The following ATP9A variants were observed in gnomAD, a reference collection of about 807,000 sequenced individuals.
The protein encoded by ATP9A is probable phospholipid-transporting ATPase IIA.
A neutral mutation model predicts 144.1 loss-of-function variants in ATP9A; 52 were observed. The observed-to-expected ratio is 0.36, with a 90% CI of 0.29 to 0.45. The LOEUF is 0.45. Among genes scored for constraint, ATP9A ranks in the 20% least tolerant of loss-of-function variants. ATP9A has a pLI of 1.00. For missense variants in ATP9A, 947 were observed against 1,392.7 expected, an observed-to-expected ratio of 0.68 and a Z score of 5.09; for synonymous variants, 582 against 557.4, an observed-to-expected ratio of 1.04 and a Z score of -0.62.
At chr20:51,703,371 G>A (rs546814327) in intron 4 of ATP9A, among the ~76,000 whole-genome samples, 2 of 152,150 alleles carry the variant, frequency 1.3e-5, no homozygotes, top group Non-Finnish European at 1.5e-5. Context: ...ATTTTTAAAC[G>A]CATTTGCAGA....
At chr20:51,669,940 G>A in intron 13 of ATP9A, 57 bp downstream of exon 13, 1 of 1,074,566 alleles carries the variant, frequency 9.3e-7, no homozygotes, top group Non-Finnish European at 1.4e-6. Context: ...TCTCAATATA[G>A]CTGTTAAAAA....
intron 24 of ATP9A, among the ~76,000 whole-genome samples, chr20:51,608,935 G>GTGTGTGTGTC (rs1226632864): frequency 6.6e-6 from 1 of 151,620 alleles, no homozygotes; most frequent in Non-Finnish European, 1.5e-5. Context: ...GTGTGTGTGT[G>GTGTGTGTGTC]TGTGTGTGTG....
intron 5 of ATP9A, 100 bp from the exon 6 acceptor site, chr20:51,696,244 T>C: frequency 9.8e-7 from 1 of 1,017,550 alleles, no homozygotes; most frequent in Non-Finnish European, 1.5e-6. Context: ...CTCGGTGGGT[T>C]GGGGCAGGGG....
At position 51,670,118 on chromosome 20, in the gene ATP9A, C is replaced by T; in HGVS notation, c.1181-9G>A. 14 of 1,603,456 alleles carry T rather than the reference C, an allele frequency of 8.7e-6. No homozygotes were observed. The highest frequency in any genetic ancestry group is 8.5e-6 in the Non-Finnish European group (10 of 1,170,282). On this transcript the variant is annotated splice_polypyrimidine_tract_variant and intron_variant, in intron 12 of 27. Transcript: ENST00000338821. ...GTTCTGGGTAAGAGTGCCTAAAACA[C>T]AAGACAAATGAGTGGCCGGCCTGTC...
intron 22 of ATP9A, among the ~76,000 whole-genome samples, chr20:51,616,760 A>G (rs2077204633): frequency 6.6e-6 from 1 of 152,116 alleles, no homozygotes; most frequent in Admixed American, 6.6e-5. Context: ...ATTTCCTAAC[A>G]CACCAACTTT....
intron 3 of ATP9A, 97 bp downstream of exon 3, chr20:51,725,722 G>A: frequency 4.8e-6 from 4 of 834,474 alleles, no homozygotes; most frequent in Non-Finnish European, 8.0e-6. Context: ...CCCTTACAAG[G>A]CCACCATCCC....
At position 51,663,718 on chromosome 20, in the gene ATP9A, C is replaced by T. The variant is rs144896874; in HGVS notation, c.1293+6279G>A. Among the ~76,000 whole-genome samples the T allele has an allele frequency of 8.0e-3, 1,178 of 147,468 alleles. 9 individuals carry two copies. Among genetic ancestry groups the T allele is most frequent in the Non-Finnish European group, 0.01 (683 of 67,322 alleles). Reference sequence around the variant, plus strand: ...CTGAGGCAAGAGAATGGCGTGAACCCGGGAGGTGGAGCTTGCAGTGAGCGG... The same window carrying T: ...CTGAGGCAAGAGAATGGCGTGAACCTGGGAGGTGGAGCTTGCAGTGAGCGG... On this transcript the variant is annotated intron_variant, in intron 13 of 27. Transcript: ENST00000338821.
At chr20:51,768,257 C>A in intron 1 of ATP9A, 45 bp downstream of exon 1, 3 of 1,201,372 alleles carry the variant, frequency 2.5e-6, no homozygotes, top group Non-Finnish European at 3.1e-6. Flanking sequence ...GCGCCGGGCT[C>A]CGGGAGGCGC....
At position 51,599,027 on chromosome 20, in the gene ATP9A, G is replaced by T. The variant is rs187912145; in HGVS notation, c.*2184C>A. On this transcript the variant is annotated 3_prime_UTR_variant, in exon 28 of 28. Transcript: ENST00000338821. ...GAAGATGTCAATCAGTATCTTAAGCGTTGGCTTTAAAAGTCAACTTGTGCA... is the reference window on the plus strand; with the variant it reads ...GAAGATGTCAATCAGTATCTTAAGCTTTGGCTTTAAAAGTCAACTTGTGCA... 6.6e-6 allele frequency: 1 copy of T among 152,202 alleles called. No individual in the cohort carries two copies. Among genetic ancestry groups the T allele is most frequent in the African/African-American group, 2.4e-5 (1 of 41,442 alleles). The allele number at this position is 152,202 out of a possible 1,614,324, so 9.4% of individuals were successfully genotyped here.
At chr20:51,688,959 T>A in intron 9 of ATP9A, 105 bp downstream of exon 9, 1 of 1,247,772 alleles carries the variant, frequency 8.0e-7, no homozygotes, top group Non-Finnish European at 1.2e-6. Context: ...AAAATGCCAT[T>A]TGACCGAGCA....
chr20:51,608,734 C>T (rs2077173543), intron 24 of ATP9A, 108 bp from the exon 25 acceptor site: 1 of 735,438 alleles, frequency 1.4e-6, no homozygotes, highest in South Asian at 1.5e-5. Flanking sequence ...CAAATATTTA[C>T]TGCTTGTCTA....
intron 1 of ATP9A, among the ~76,000 whole-genome samples, chr20:51,750,842 C>G (rs2077828320): frequency 1.3e-5 from 2 of 152,072 alleles, no homozygotes; most frequent in African/African-American, 4.8e-5. Flanking sequence ...GGGAGGAATC[C>G]AAATGGCAGG....
intron 26 of ATP9A, among the ~76,000 whole-genome samples, chr20:51,605,842 G>A (rs781556396): frequency 6.6e-5 from 10 of 151,722 alleles, no homozygotes; most frequent in Non-Finnish European, 1.2e-4. Flanking sequence ...AAACCTGGGA[G>A]GTGGAAGTTG....
At chr20:51,768,189 C>T in intron 1 of ATP9A, 113 bp downstream of exon 1, 1 of 567,554 alleles carries the variant, frequency 1.8e-6, no homozygotes, top group Non-Finnish European at 2.4e-6. Flanking sequence ...CTGCCCCAGG[C>T]TCATGGCGCC....
chr20:51,763,317 T>TA (rs1292252738), intron 1 of ATP9A, among the ~76,000 whole-genome samples: 1 of 149,680 alleles, frequency 6.7e-6, no homozygotes, highest in Non-Finnish European at 1.5e-5. Context: ...TTACATACTT[T>TA]TTTTTTTTTT....
intron 3 of ATP9A, among the ~76,000 whole-genome samples, chr20:51,722,964 C>G (rs1342191219): frequency 6.6e-6 from 1 of 152,194 alleles, no homozygotes; most frequent in East Asian, 1.9e-4. Context: ...ACGCCCGCCA[C>G]CATGCCCAGC....
At chr20:51,631,502 T>C (rs1346010056) in intron 15 of ATP9A, among the ~76,000 whole-genome samples, 1 of 152,164 alleles carries the variant, frequency 6.6e-6, no homozygotes, top group African/African-American at 2.4e-5. Context: ...CTTGAGTGAG[T>C]TCAGAAGTTC....
At chr20:51,630,660 C>T (rs1324970648) in intron 15 of ATP9A, among the ~76,000 whole-genome samples, 2 of 151,942 alleles carry the variant, frequency 1.3e-5, no homozygotes, top group East Asian at 3.9e-4. Context: ...GAGATTGCAC[C>T]ATTGCTCTCC....
chr20:51,701,481 T>C (rs1378353719), intron 4 of ATP9A, among the ~76,000 whole-genome samples: 1 of 152,246 alleles, frequency 6.6e-6, no homozygotes, highest in African/African-American at 2.4e-5. Flanking sequence ...TGCTGATTTA[T>C]GATCCATTCA....
Sources: gnomAD v4.1 joint callset for allele counts (sites outside exome capture counted in the v4.1 genomes callset) on GRCh38, gnomAD v4.1.1 for gene constraint, MANE v1.5 for transcripts, NCBI Gene and HGNC (gene_info 2026-07-23, HGNC 2026-07-21) for gene names.